The following CD47 variants were observed in gnomAD, a reference collection of about 807,000 sequenced individuals.
CD47 encodes CD47 molecule.
CD47 carries 11 observed loss-of-function variants against 44.6 expected under a neutral mutation model. That is an observed-to-expected ratio of 0.25 (90% confidence interval 0.16 to 0.41). The LOEUF (loss-of-function observed/expected upper bound fraction) is 0.41, where lower values mean the gene tolerates loss of function less well. Ranked by LOEUF, CD47 falls within the 10% of genes least tolerant of loss-of-function variation. The pLI, the probability that CD47 is intolerant of heterozygous loss-of-function variation, is 1.00. For synonymous variants in CD47, 140 were observed against 136.3 expected (o/e 1.03, Z -0.19); for missense variants, 306 against 386.7 (o/e 0.79, Z 1.75).
At position 108,044,036 on chromosome 3, in the gene CD47, C is replaced by T. The variant is rs543645989; in HGVS notation, c.*3252G>A. ...CAAATAAAATACAATAAAAAATAAA[C>T]GGTTGCCCGACAATCATTTCTCCAG... On this transcript the variant is annotated 3_prime_UTR_variant, in exon 11 of 11. Transcript: ENST00000361309. 4 of 152,686 alleles carry T rather than the reference C, an allele frequency of 2.6e-5. No individual in the cohort carries two copies. Among genetic ancestry groups the T allele is most frequent in the South Asian group, 4.1e-4 (2 of 4,826 alleles). The allele number at this position is 152,686 out of a possible 1,614,324, so 9.5% of individuals were successfully genotyped here.
rs1431873023 is a variant in CD47 at position 108,045,217 on chromosome 3, T to C, written c.*2071A>G. The C allele has an allele frequency of 6.6e-6, 1 of 152,582 alleles. No homozygotes were observed. Among genetic ancestry groups the C allele is most frequent in the Non-Finnish European group, 1.5e-5 (1 of 68,024 alleles). 9.5% of individuals were successfully genotyped at this position (152,582 alleles called of 1,614,324 possible). ...ATGAGATCCAAGAGCGAACCCCAAA[T>C]AAATGAGAGTTTACTACATATTAAA... On this transcript the variant is annotated 3_prime_UTR_variant, in exon 11 of 11. Coordinates refer to ENST00000361309, the MANE Select transcript of CD47 (RefSeq NM_001777.4).
chr3:108,053,245 G>C (rs1319426121), intron 7 of CD47: 1 of 152,382 alleles, frequency 6.6e-6, no homozygotes, highest in Non-Finnish European at 1.5e-5. Context: ...CAGGGAAAAG[G>C]GTGGGTCCTG....
At chr3:108,065,433 T>C (rs72620098) in intron 3 of CD47, among the ~76,000 whole-genome samples, 13,722 of 152,118 alleles carry the variant, frequency 0.09, 1,420 homozygotes, top group East Asian at 0.56. Flanking sequence ...AATCAGCACA[T>C]AAGCACATTA....
chr3:108,050,505 G>T (rs985674878), intron 9 of CD47, 73 bp downstream of exon 9: 2 of 720,966 alleles, frequency 2.8e-6, no homozygotes, highest in African/African-American at 1.9e-5. Flanking sequence ...GCATAGACAG[G>T]GCATTCTAAC....
In CD47 at chr3:108,045,538, C is replaced by T. The variant is rs567725030; in HGVS notation, c.*1750G>A. 1.7e-4 allele frequency: 25 copies of T among 151,144 alleles called. No homozygotes were observed. The highest frequency in any genetic ancestry group is 4.9e-4 in the African/African-American group (20 of 41,084). The allele number at this position is 151,144 out of a possible 1,614,324, so 9.4% of individuals were successfully genotyped here. ...ATATACATACGTATATATAGATATA[C>T]GTATATATTTGTGTATACATATTTT... On this transcript the variant is annotated 3_prime_UTR_variant, in exon 11 of 11. Transcript: ENST00000361309.
intron 5 of CD47, among the ~76,000 whole-genome samples, chr3:108,058,844 AACTAAT>A (rs2078962750): frequency 6.6e-6 from 1 of 152,164 alleles, no homozygotes. Context: ...TTTTATAACA[AACTAAT>A]ACCTTTCCAA....
intron 3 of CD47, among the ~76,000 whole-genome samples, chr3:108,063,041 A>G (rs894921354): frequency 6.6e-6 from 1 of 152,164 alleles, no homozygotes; most frequent in Non-Finnish European, 1.5e-5. Flanking sequence ...ATAGGAGAAA[A>G]CAGTGCAAAC....
chr3:108,052,284 C>A (rs1300322037), intron 7 of CD47: 1 of 275,546 alleles, frequency 3.6e-6, no homozygotes, highest in Non-Finnish European at 7.0e-6. Flanking sequence ...CACCAACATA[C>A]CCCCACCATG....
intron 3 of CD47, among the ~76,000 whole-genome samples, chr3:108,069,902 A>G (rs997202175): frequency 6.6e-6 from 1 of 152,190 alleles, no homozygotes; most frequent in South Asian, 2.1e-4. Flanking sequence ...ATAAAAAACT[A>G]AGAGATTATA....
intron 10 of CD47, among the ~76,000 whole-genome samples, chr3:108,049,147 C>T (rs1254585835): frequency 1.7e-5 from 2 of 116,300 alleles, no homozygotes; most frequent in African/African-American, 3.2e-5. Flanking sequence ...TCTCTCTCAA[C>T]CTCTCTCTTT....
In CD47 at chr3:108,080,139, T is replaced by C; in HGVS notation, c.252A>G (p.Ala84=). 6.2e-7 allele frequency: 1 copy of C among 1,613,088 alleles called. No individual in the cohort carries two copies. The highest frequency in any genetic ancestry group is 8.5e-7 in the Non-Finnish European group (1 of 1,179,188). The change falls in exon 2 of 11, where the codon GCA becomes GCG. Residue 84 remains alanine (A), a synonymous_variant. Coordinates refer to ENST00000361309, the MANE Select transcript of CD47 (RefSeq NM_001777.4). ...TTAGTAATTGTGAGACTTCAATTTT[T>C]GCACTACTAAAGTCAGTGGGGACAG... ...KSTVPTDFSS[A]KIEVSQLLKG...
rs142658688 is a variant in CD47 at position 108,077,339 on chromosome 3, C to G, written c.400+2652G>C. 2.1e-3 allele frequency among the ~76,000 whole-genome samples: 324 copies of G among 152,150 alleles called. 3 individuals carry two copies. Among genetic ancestry groups the G allele is most frequent in the Non-Finnish European group, 3.9e-3 (267 of 67,980 alleles). On this transcript the variant is annotated intron_variant, in intron 2 of 10. Coordinates refer to ENST00000361309, the MANE Select transcript of CD47 (RefSeq NM_001777.4). The stretch of plus-strand genomic sequence containing the variant: ...CCTTTTTGTGCAGATAACTTTTTAA[C>G]TGGTTTTTGTTTGTTTGTTGTTTTT...
intron 1 of CD47, among the ~76,000 whole-genome samples, chr3:108,087,592 T>C (rs1418664191): frequency 6.6e-6 from 1 of 152,194 alleles, no homozygotes; most frequent in Non-Finnish European, 1.5e-5. Context: ...GCTTGGTGTG[T>C]AGTATAGGCT....
At position 108,043,674 on chromosome 3, in the gene CD47, T is replaced by C. The variant is rs2078666316; in HGVS notation, c.*3614A>G. The C allele has an allele frequency of 6.6e-6, 1 of 152,662 alleles. No homozygotes were observed. The highest frequency in any genetic ancestry group is 1.5e-5 in the Non-Finnish European group (1 of 68,040). The allele number at this position is 152,662 out of a possible 1,614,324, so 9.5% of individuals were successfully genotyped here. On this transcript the variant is annotated 3_prime_UTR_variant, in exon 11 of 11. Coordinates refer to ENST00000361309, the MANE Select transcript of CD47 (RefSeq NM_001777.4). ...ATGGCTTTTTGTAAATAATGCTCCA[T>C]TTAATAAAAACAAAATGTTTTCTTC...
intron 2 of CD47, among the ~76,000 whole-genome samples, chr3:108,079,559 T>C (rs1190568083): frequency 2.0e-5 from 2 of 98,886 alleles, no homozygotes; most frequent in African/African-American, 8.3e-5. Flanking sequence ...TTGGTCAAAG[T>C]GTAAGGTTAA....
intron 2 of CD47, among the ~76,000 whole-genome samples, chr3:108,074,239 A>G (rs917079971): frequency 6.6e-6 from 1 of 152,226 alleles, no homozygotes; most frequent in African/African-American, 2.4e-5. Flanking sequence ...CCCAGATTCT[A>G]TGTGAAACAA....
rs571013593 is a variant in CD47 at position 108,045,717 on chromosome 3, G to A, written c.*1571C>T. The A allele has an allele frequency of 6.6e-6, 1 of 152,170 alleles. No individual in the cohort carries two copies. The highest frequency in any genetic ancestry group is 2.1e-4 in the South Asian group (1 of 4,796). 9.4% of individuals were successfully genotyped at this position (152,170 alleles called of 1,614,324 possible). ...AAAGAGGCACACGGGAACATCTGATGGACTAAGAAATAACTATTATTAATG... is the reference window on the plus strand; with the variant it reads ...AAAGAGGCACACGGGAACATCTGATAGACTAAGAAATAACTATTATTAATG... On this transcript the variant is annotated 3_prime_UTR_variant, in exon 11 of 11. Transcript: ENST00000361309.
At chr3:108,087,822 T>C (rs1256766899) in intron 1 of CD47, among the ~76,000 whole-genome samples, 1 of 152,220 alleles carries the variant, frequency 6.6e-6, no homozygotes, top group African/African-American at 2.4e-5. Flanking sequence ...GCTTGATTTC[T>C]GTTTCAACAC....
chr3:108,079,567 TAAA>T (rs71629342), intron 2 of CD47, among the ~76,000 whole-genome samples: 2 of 53,118 alleles, frequency 3.8e-5, no homozygotes, highest in Admixed American at 2.4e-4. Flanking sequence ...AGTGTAAGGT[TAAA>T]AAAAAAAAAA....
Sources: allele counts gnomAD v4.1 joint callset (sites outside exome capture counted in the v4.1 genomes callset), GRCh38; gene constraint gnomAD v4.1.1; transcripts MANE v1.5; gene names NCBI Gene and HGNC (gene_info 2026-07-23, HGNC 2026-07-21).